The following GALNT16 variants were observed in gnomAD, a reference collection of about 807,000 sequenced individuals.
GALNT16 encodes polypeptide N-acetylgalactosaminyltransferase 16.
In GALNT16, 40 loss-of-function variants were observed where a neutral mutation model predicts 76.1. The observed-to-expected ratio is 0.53, with a 90% CI of 0.41 to 0.68. The LOEUF is 0.68. GALNT16 is among the 30% of genes least tolerant of loss of function. The probability of loss-of-function intolerance (pLI) is 0.00; values close to 1 mark genes in which losing one functional copy is unlikely to be tolerated. For missense variants in GALNT16, 621 were observed against 731.9 expected, an observed-to-expected ratio of 0.85 and a Z score of 1.75; for synonymous variants, 276 against 285.2, an observed-to-expected ratio of 0.97 and a Z score of 0.32.
chr14:69,336,130 G>T (rs2045412548), intron 9 of GALNT16, among the ~76,000 whole-genome samples: 1 of 151,780 alleles, frequency 6.6e-6, no homozygotes, highest in Non-Finnish European at 1.5e-5. Context: ...TTTTTTTTCA[G>T]ACAGAGTCTT....
intron 12 of GALNT16, among the ~76,000 whole-genome samples, chr14:69,343,252 A>C (rs545722026): frequency 1.3e-5 from 2 of 152,364 alleles, no homozygotes; most frequent in South Asian, 4.1e-4. Context: ...CAGAGCTTGC[A>C]TATCCTTGAA....
At chr14:69,287,457 A>G (rs1321615138) in intron 1 of GALNT16, among the ~76,000 whole-genome samples, 2 of 152,192 alleles carry the variant, frequency 1.3e-5, no homozygotes, top group East Asian at 3.9e-4. Flanking sequence ...CTTTTTAGCA[A>G]ACAGAACTGA....
intron 1 of GALNT16, among the ~76,000 whole-genome samples, chr14:69,264,819 C>CTTTTTTTT (rs60818532): frequency 0.069 from 6,618 of 96,434 alleles, 1,173 homozygotes; most frequent in East Asian, 0.4. Flanking sequence ...CTTTTTCTTT[C>CTTTTTTTT]TTTTTTTTTT....
At chr14:69,345,636 C>T (rs2045551214) in intron 12 of GALNT16, among the ~76,000 whole-genome samples, 1 of 151,576 alleles carries the variant, frequency 6.6e-6, no homozygotes, top group African/African-American at 2.4e-5. Context: ...ATAACCTGAA[C>T]TCAGGTATGC....
intron 1 of GALNT16, among the ~76,000 whole-genome samples, chr14:69,305,092 G>T (rs2044912281): frequency 6.7e-6 from 1 of 149,570 alleles, no homozygotes; most frequent in African/African-American, 2.5e-5. Flanking sequence ...CTGAAAGCGT[G>T]CAGGAGTTCC....
At chr14:69,383,662 T>G in the GALNT16 span, among the ~76,000 whole-genome samples, 1 of 152,170 alleles carries the variant, frequency 6.6e-6, no homozygotes, top group East Asian at 1.9e-4. Flanking sequence ...TAATTTACGG[T>G]TTTTAACACT....
intron 1 of GALNT16, among the ~76,000 whole-genome samples, chr14:69,270,458 C>T (rs1289563757): frequency 6.6e-6 from 1 of 152,220 alleles, no homozygotes; most frequent in Non-Finnish European, 1.5e-5. Context: ...CCCTGGCAGT[C>T]GTGCCCTGTG....
chr14:69,335,506 C>A (rs1180199235), intron 9 of GALNT16, among the ~76,000 whole-genome samples: 1 of 152,202 alleles, frequency 6.6e-6, no homozygotes, highest in Non-Finnish European at 1.5e-5. Context: ...GCTCTGCCTC[C>A]AAAGGCCATT....
chr14:69,343,388 A>G (rs1213542258), intron 12 of GALNT16, among the ~76,000 whole-genome samples: 1 of 152,236 alleles, frequency 6.6e-6, no homozygotes, highest in Admixed American at 6.5e-5. Flanking sequence ...CCAGGTCCCA[A>G]ATACAGCATG....
intron 5 of GALNT16, among the ~76,000 whole-genome samples, chr14:69,326,269 G>A (rs1357254127): frequency 6.6e-6 from 1 of 152,246 alleles, no homozygotes; most frequent in Admixed American, 6.5e-5. Flanking sequence ...AATGGGATAA[G>A]ACAGTCCCTT....
In GALNT16 at chr14:69,341,777, C is replaced by T; in HGVS notation, c.1271+13C>T. 1 of 1,596,782 alleles carries T rather than the reference C, an allele frequency of 6.3e-7. No homozygotes were observed. The highest frequency in any genetic ancestry group is 8.6e-7 in the Non-Finnish European group (1 of 1,165,374). On this transcript the variant is annotated intron_variant, in intron 12 of 14. Coordinates refer to ENST00000448469, the MANE Select transcript of GALNT16 (RefSeq NM_001168368.2). ...ACCCAGAGCTCACGTGAGTGCAGCC[C>T]TCATCTTGTGCATCCCCCAGGCGGG...
intron 2 of GALNT16, among the ~76,000 whole-genome samples, chr14:69,322,601 G>A (rs886325370): frequency 6.6e-6 from 1 of 152,184 alleles, no homozygotes; most frequent in Non-Finnish European, 1.5e-5. Context: ...CTGTCAGAAA[G>A]CTGAGGTGGG....
chr14:69,297,733 A>G (rs2044788182), intron 1 of GALNT16, among the ~76,000 whole-genome samples: 1 of 150,564 alleles, frequency 6.6e-6, no homozygotes, highest in South Asian at 2.1e-4. Context: ...TGTAGATCAC[A>G]TGCTGAGGTT....
chr14:69,328,231 C>G (rs370284604), intron 5 of GALNT16, among the ~76,000 whole-genome samples: 1 of 152,062 alleles, frequency 6.6e-6, no homozygotes, highest in East Asian at 1.9e-4. Context: ...ACATAGAGGG[C>G]ACTCGGGGTG....
chr14:69,322,822 C>T (rs2045207741), intron 2 of GALNT16, among the ~76,000 whole-genome samples: 1 of 151,960 alleles, frequency 6.6e-6, no homozygotes. Flanking sequence ...ACCTGGGAGG[C>T]AGAGGTTGCA....
the GALNT16 span, chr14:69,380,503 A>AG: frequency 7.1e-5 from 79 of 1,110,992 alleles, no homozygotes; most frequent in Non-Finnish European, 9.0e-5. Flanking sequence ...CTGTGTTCCA[A>AG]GCCCACCCCA....
At chr14:69,275,006 A>T (rs1299830369) in intron 1 of GALNT16, among the ~76,000 whole-genome samples, 1 of 152,218 alleles carries the variant, frequency 6.6e-6, no homozygotes, top group Non-Finnish European at 1.5e-5. Context: ...TTACAAGGGG[A>T]AAACAGATTC....
rs1357853219 is a variant in GALNT16 at position 69,324,752 on chromosome 14, C to T, written c.396C>T (p.His132=). Residue 132 remains histidine, a synonymous_variant, in exon 3 of 15, where the codon CAC becomes CAT. Transcript: ENST00000448469. The part of the protein sequence containing the change: ...LPATSVIITF[H]NEARSTLLRT... Reference sequence around the variant, plus strand: ...CCACCAGCGTCATCATCACCTTCCACAATGAGGCCCGTTCCACCCTGCTGC... The same window carrying T: ...CCACCAGCGTCATCATCACCTTCCATAATGAGGCCCGTTCCACCCTGCTGC... 1.2e-6 allele frequency: 2 copies of T among 1,613,010 alleles called. No homozygotes were observed. The highest frequency in any genetic ancestry group is 4.5e-5 in the East Asian group (2 of 44,846).
Position 69,352,482 on chromosome 14 carries a change from G to C in GALNT16, c.*314G>C, listed in dbSNP as rs899970069. The C allele has an allele frequency of 4.6e-5, 13 of 281,050 alleles. No homozygotes were observed. In the South Asian group the frequency reaches 1.0e-3, roughly 23 times the overall value. 17.4% of individuals were successfully genotyped at this position (281,050 alleles called of 1,614,324 possible). On this transcript the variant is annotated 3_prime_UTR_variant, in exon 15 of 15. Transcript: ENST00000448469. ...CTCCCTTGGCGCTTCTTGGGGCTGGGACAATAGTGTGTGGTCTCTCCCTTG... is the reference window on the plus strand; with the variant it reads ...CTCCCTTGGCGCTTCTTGGGGCTGGCACAATAGTGTGTGGTCTCTCCCTTG...
Sources: allele counts gnomAD v4.1 joint callset (sites outside exome capture counted in the v4.1 genomes callset), GRCh38; gene constraint gnomAD v4.1.1; transcripts MANE v1.5; gene names NCBI Gene and HGNC (gene_info 2026-07-23, HGNC 2026-07-21).